The following KIF16B variants were observed in gnomAD, a reference collection of about 807,000 sequenced individuals.
The protein encoded by KIF16B is kinesin family member 16B.
A neutral mutation model predicts 156.3 loss-of-function variants in KIF16B; 98 were observed. That is an observed-to-expected ratio of 0.63 (90% CI 0.53 to 0.74). The LOEUF (loss-of-function observed/expected upper bound fraction) is 0.74, where lower values mean the gene tolerates loss of function less well. Among genes scored for constraint, KIF16B ranks in the 30% least tolerant of loss-of-function variants. The pLI is 0.00. For synonymous variants in KIF16B, 564 were observed against 583.7 expected (o/e 0.97, Z 0.49); for missense variants, 1,421 against 1,606.5 (o/e 0.88, Z 1.97).
chr20:16,475,010 G>A (rs2067770045), intron 12 of KIF16B, among the ~76,000 whole-genome samples: 1 of 152,204 alleles, frequency 6.6e-6, no homozygotes. Flanking sequence ...CCAAGCAAGT[G>A]TTCGATAAAA....
intron 22 of KIF16B, among the ~76,000 whole-genome samples, 181 bp downstream of exon 22, chr20:16,370,404 AG>A (rs1487174414): frequency 2.6e-5 from 4 of 152,226 alleles, no homozygotes; most frequent in African/African-American, 9.6e-5. Flanking sequence ...AAGTCAAAGC[AG>A]TTTCAAACTA....
chr20:16,307,936 G>T (rs1397574092), intron 25 of KIF16B, among the ~76,000 whole-genome samples: 2 of 151,948 alleles, frequency 1.3e-5, no homozygotes, highest in African/African-American at 4.8e-5. Context: ...ATGTATGTGT[G>T]TATATTATAC....
At chr20:16,285,906 T>A (rs1325419699) in intron 25 of KIF16B, among the ~76,000 whole-genome samples, 2 of 152,178 alleles carry the variant, frequency 1.3e-5, no homozygotes, top group Admixed American at 6.5e-5. Flanking sequence ...AGCAGGTACA[T>A]AAGCAACATA....
chr20:16,428,079 G>A (rs1386016969), intron 14 of KIF16B, among the ~76,000 whole-genome samples: 1 of 152,142 alleles, frequency 6.6e-6, no homozygotes, highest in Non-Finnish European at 1.5e-5. Flanking sequence ...ATTAGAAGAA[G>A]AGGCCTGATG....
chr20:16,380,013 G>A lies in KIF16B; in HGVS notation c.1989C>T (p.Phe663=). ...KQEESLKRRS[F]HIENKLKDLL... ...AATCCTTTAGCTTGTTCTCGATGTG[G>A]AAGCTGCGGCGTTTGAGGCTCTCCT... The change falls in exon 19 of 26, where the codon TTC becomes TTT. Residue 663 remains phenylalanine (F), a synonymous_variant. Coordinates refer to ENST00000354981, the MANE Select transcript of KIF16B (RefSeq NM_024704.5). 6.2e-7 allele frequency: 1 copy of A among 1,602,428 alleles called. No individual in the cohort carries two copies. Among genetic ancestry groups the A allele is most frequent in the South Asian group, 1.1e-5 (1 of 88,772 alleles).
Position 16,374,272 on chromosome 20 carries a change from G to T in KIF16B, c.3335C>A (p.Pro1112His). 6.3e-7 allele frequency: 1 copy of T among 1,587,002 alleles called. No individual in the cohort carries two copies. Among genetic ancestry groups the T allele is most frequent in the Non-Finnish European group, 8.6e-7 (1 of 1,164,224 alleles). ...PVSAEKSHLV[P>H]LMDARINAYI... ...TGTCCAGTACCTGGCATCCATGAGG[G>T]GAACCAGGTGTGATTTTTCAGCACT... Residue 1112 changes from proline to histidine, a missense_variant, in exon 20 of 26, where the codon CCC (proline) becomes CAC (histidine). Transcript: ENST00000354981.
chr20:16,516,569 G>C (rs2069148997), intron 3 of KIF16B, among the ~76,000 whole-genome samples: 1 of 152,152 alleles, frequency 6.6e-6, no homozygotes, highest in South Asian at 2.1e-4. Context: ...AAACAAGGAA[G>C]CTCTGTCAGC....
intron 1 of KIF16B, among the ~76,000 whole-genome samples, chr20:16,537,566 G>A (rs2070020337): frequency 6.6e-6 from 1 of 151,698 alleles, no homozygotes; most frequent in African/African-American, 2.4e-5. Context: ...TTACCCCAGT[G>A]TACTCTTTAC....
chr20:16,519,918 G>C (rs987426747), intron 3 of KIF16B, among the ~76,000 whole-genome samples: 1 of 152,184 alleles, frequency 6.6e-6, no homozygotes, highest in Admixed American at 6.5e-5. Flanking sequence ...AGTGCAAGGG[G>C]TCAGGGAACT....
intron 22 of KIF16B, chr20:16,368,322 T>A: frequency 1.0e-6 from 1 of 991,740 alleles, no homozygotes; most frequent in Non-Finnish European, 1.2e-6. Flanking sequence ...CACCCTCTGC[T>A]GGCCTCAGGC....
chr20:16,367,793 C>T, intron 22 of KIF16B: 1 of 1,612,620 alleles, frequency 6.2e-7, no homozygotes, highest in Non-Finnish European at 8.5e-7. Context: ...GCATCAGGCT[C>T]TGGCATCAGG....
chr20:16,293,311 G>A (rs552836425), intron 25 of KIF16B, among the ~76,000 whole-genome samples: 52 of 152,318 alleles, frequency 3.4e-4, no homozygotes, highest in Non-Finnish European at 6.6e-4. Context: ...TGGTAGGGGA[G>A]GAGGAAGGGA....
Position 16,410,049 on chromosome 20 carries a change from TGGTACATATATATATATGTA to T in KIF16B, c.1613-3613_1613-3594del, listed in dbSNP as rs1568948378. ...TATATGTAGGTACATATATATATGT[TGGTACATATATATATATGTA>T]GGTACATATATATATATGTAGGTAC... On this transcript the variant is annotated intron_variant, in intron 15 of 25. Coordinates refer to ENST00000354981, the MANE Select transcript of KIF16B (RefSeq NM_024704.5). Among the ~76,000 whole-genome samples the T allele has an allele frequency of 6.2e-3, 193 of 30,982 alleles. 7 individuals are homozygous for T. The highest frequency in any genetic ancestry group is 0.041 in the Admixed American group (107 of 2,600). The allele number at this position is 30,982 out of a possible 152,430, so 20.3% of individuals were successfully genotyped here.
At chr20:16,496,709 T>C (rs1253906459) in intron 11 of KIF16B, among the ~76,000 whole-genome samples, 3 of 152,176 alleles carry the variant, frequency 2.0e-5, no homozygotes, top group Non-Finnish European at 4.4e-5. Context: ...CCAGATATAG[T>C]TTAAATTATA....
rs79681425 is a variant in KIF16B, at chr20:16,352,199, G to A, written c.3621+4131C>T. Among the ~76,000 whole-genome samples the A allele has an allele frequency of 2.5e-3, 377 of 152,264 alleles. 4 individuals carry two copies. The highest frequency in any genetic ancestry group is 8.9e-3 in the African/African-American group (368 of 41,554). The stretch of plus-strand genomic sequence containing the variant: ...GTCCTGACCAGAGGGCTAGTTACAC[G>A]GGTGTATACATATGTCAACACTCAT... On this transcript the variant is annotated intron_variant, in intron 23 of 25. Transcript: ENST00000354981.
intron 9 of KIF16B, 38 bp from the exon 10 acceptor site, chr20:16,504,585 C>T: frequency 6.4e-7 from 1 of 1,564,678 alleles, no homozygotes; most frequent in South Asian, 1.1e-5. Flanking sequence ...TTATCCAGCA[C>T]TCCATGTTCC....
At chr20:16,469,254 T>TAAAAAAAAAAAAAAAAAAAAA (rs57114751) in intron 12 of KIF16B, among the ~76,000 whole-genome samples, 20 of 66,072 alleles carry the variant, frequency 3.0e-4, no homozygotes, top group Non-Finnish European at 4.4e-4. Flanking sequence ...CCCTGTGTCT[T>TAAAAAAAAAAAAAAAAAAAAA]AAAAAAAAAA....
chr20:16,399,212 G>T (rs1310680563), intron 17 of KIF16B, among the ~76,000 whole-genome samples: 1 of 152,104 alleles, frequency 6.6e-6, no homozygotes, highest in Admixed American at 6.5e-5. Flanking sequence ...TGCTCACAGG[G>T]CTTGGTGACT....
At chr20:16,343,912 AG>A (rs1350314605) in intron 23 of KIF16B, among the ~76,000 whole-genome samples, 2 of 152,106 alleles carry the variant, frequency 1.3e-5, no homozygotes, top group East Asian at 3.9e-4. Flanking sequence ...TACTATGTAC[AG>A]TTAGTAAATG....
Sources: allele counts gnomAD v4.1 joint callset (sites outside exome capture counted in the v4.1 genomes callset), GRCh38; gene constraint gnomAD v4.1.1; transcripts MANE v1.5; gene names NCBI Gene and HGNC (gene_info 2026-07-23, HGNC 2026-07-21).